Variants in CSMD3 observed in about 807,000 individuals in gnomAD.
CSMD3 encodes CUB and sushi domain-containing protein 3.
Under a neutral mutation model 435.2 loss-of-function variants are expected in CSMD3, and 177 were observed. The observed-to-expected ratio is 0.41, with a 90% CI of 0.36 to 0.46. CSMD3 has a LOEUF of 0.46. Among genes scored for constraint, CSMD3 ranks in the 20% least tolerant of loss-of-function variants. The pLI is 0.34. For missense variants in CSMD3, 4,265 were observed against 4,504.6 expected, an observed-to-expected ratio of 0.95 and a Z score of 1.52; for synonymous variants, 1,656 against 1,520.5, an observed-to-expected ratio of 1.09 and a Z score of -2.07.
chr8:113,372,682 C>T (rs1361864471), intron 1 of CSMD3, among the ~76,000 whole-genome samples: 3 of 151,996 alleles, frequency 2.0e-5, no homozygotes, highest in Non-Finnish European at 2.9e-5. Flanking sequence ...GCCTGTAATC[C>T]CAGCACTTTG....
chr8:112,494,544 TTTC>T (rs1326732766), intron 30 of CSMD3, among the ~76,000 whole-genome samples: 5 of 144,132 alleles, frequency 3.5e-5, no homozygotes, highest in South Asian at 2.2e-4. Context: ...TCTTTCTTTC[TTTC>T]TTTCTTTCTT....
At chr8:112,532,513 A>C (rs1825638949) in intron 27 of CSMD3, among the ~76,000 whole-genome samples, 1 of 152,158 alleles carries the variant, frequency 6.6e-6, no homozygotes, top group Non-Finnish European at 1.5e-5. Flanking sequence ...ATTTGGCAGT[A>C]GACTTCTCAG....
chr8:113,001,445 CT>C (rs2085861167), intron 6 of CSMD3, among the ~76,000 whole-genome samples: 1 of 152,084 alleles, frequency 6.6e-6, no homozygotes, highest in Non-Finnish European at 1.5e-5. Flanking sequence ...TTCAATGTTG[CT>C]GTCCTGGCAC....
chr8:112,750,759 C>G (rs2077550609), intron 13 of CSMD3, among the ~76,000 whole-genome samples: 1 of 151,938 alleles, frequency 6.6e-6, no homozygotes, highest in Admixed American at 6.6e-5. Flanking sequence ...TCAATTCCTG[C>G]TATTACAAAT....
intron 29 of CSMD3, 126 bp downstream of exon 29, chr8:112,506,565 T>A: frequency 1.1e-6 from 1 of 900,882 alleles, no homozygotes; most frequent in Non-Finnish European, 1.7e-6. Context: ...CTATTAGCAC[T>A]GGGATAAGTA....
chr8:113,185,642 G>A (rs2092487712), intron 3 of CSMD3, among the ~76,000 whole-genome samples: 1 of 151,996 alleles, frequency 6.6e-6, no homozygotes. Context: ...TTTGCCCATT[G>A]TTGAAAATGA....
intron 1 of CSMD3, among the ~76,000 whole-genome samples, chr8:113,428,768 G>C (rs547118765): frequency 6.6e-6 from 1 of 151,804 alleles, no homozygotes; most frequent in African/African-American, 2.4e-5. Context: ...AGATAAACTT[G>C]TATAACAGAA....
intron 1 of CSMD3, among the ~76,000 whole-genome samples, chr8:113,361,746 G>A (rs948880175): frequency 1.3e-5 from 2 of 152,046 alleles, no homozygotes; most frequent in African/African-American, 4.8e-5. Flanking sequence ...GAGCATTTAT[G>A]ACATTTATAG....
chr8:112,266,352 A>G (rs1234925092), intron 59 of CSMD3, among the ~76,000 whole-genome samples: 1 of 152,192 alleles, frequency 6.6e-6, no homozygotes, highest in Non-Finnish European at 1.5e-5. Flanking sequence ...TGGGGAGGCC[A>G]TGCAGGGCCA....
At chr8:113,212,744 G>A (rs569713409) in intron 3 of CSMD3, among the ~76,000 whole-genome samples, 12 of 151,872 alleles carry the variant, frequency 7.9e-5, no homozygotes, top group Admixed American at 7.9e-4. Flanking sequence ...GTTGTGGGGT[G>A]GGGGAAGGGG....
chr8:112,336,611 G>T (rs1824585434), intron 44 of CSMD3, 41 bp downstream of exon 44: 2 of 1,407,928 alleles, frequency 1.4e-6, no homozygotes, highest in Non-Finnish European at 1.0e-6. Context: ...GTTTTACTGT[G>T]TATATAATTG....
At chr8:112,750,780 T>TA (rs1194187162) in intron 13 of CSMD3, among the ~76,000 whole-genome samples, 1 of 151,832 alleles carries the variant, frequency 6.6e-6, no homozygotes, top group Non-Finnish European at 1.5e-5. Context: ...ACAAGTTTAT[T>TA]AAAAAAAAGT....
intron 3 of CSMD3, among the ~76,000 whole-genome samples, chr8:113,237,015 A>G: frequency 6.6e-6 from 1 of 152,186 alleles, no homozygotes; most frequent in East Asian, 1.9e-4. Context: ...ATAACAGGCC[A>G]GTCTGGGGTT....
At chr8:113,353,358 G>A (rs1476529155) in intron 1 of CSMD3, among the ~76,000 whole-genome samples, 1 of 152,112 alleles carries the variant, frequency 6.6e-6, no homozygotes, top group Non-Finnish European at 1.5e-5. Context: ...AGGCTGTAGA[G>A]AGAATGGTAG....
chr8:112,581,140 T>C (rs1830308060), intron 23 of CSMD3, among the ~76,000 whole-genome samples: 1 of 152,044 alleles, frequency 6.6e-6, no homozygotes, highest in East Asian at 1.9e-4. Context: ...AATTTAGTCA[T>C]TACAGCAATC....
At chr8:112,982,897 A>T (rs1307014556) in intron 6 of CSMD3, among the ~76,000 whole-genome samples, 1 of 152,048 alleles carries the variant, frequency 6.6e-6, no homozygotes, top group Non-Finnish European at 1.5e-5. Context: ...CTGTTCAGAT[A>T]CATCCAAATA....
intron 6 of CSMD3, among the ~76,000 whole-genome samples, chr8:113,002,245 A>G (rs1037917613): frequency 5.3e-5 from 8 of 152,122 alleles, no homozygotes; most frequent in African/African-American, 1.9e-4. Context: ...TGTAAAAACA[A>G]GCTTTGAATT....
intron 16 of CSMD3, among the ~76,000 whole-genome samples, chr8:112,679,004 A>G (rs1165678652): frequency 6.6e-6 from 1 of 151,546 alleles, no homozygotes; most frequent in African/African-American, 2.4e-5. Context: ...AGGAGACAGG[A>G]GGAGTAGCCT....
intron 16 of CSMD3, among the ~76,000 whole-genome samples, chr8:112,678,802 T>C (rs1373203235): frequency 2.6e-5 from 4 of 152,142 alleles, no homozygotes; most frequent in African/African-American, 9.6e-5. Context: ...TACCAACATG[T>C]ACCTTTAAAA....
Sources: allele counts gnomAD v4.1 joint callset (sites outside exome capture counted in the v4.1 genomes callset), GRCh38; gene constraint gnomAD v4.1.1; transcripts MANE v1.5; gene names NCBI Gene and HGNC (gene_info 2026-07-23, HGNC 2026-07-21).